The following TSHR variants were observed in gnomAD, a reference collection of about 807,000 sequenced individuals.
TSHR encodes thyrotropin receptor.
In TSHR, 51 loss-of-function variants were observed where a neutral mutation model predicts 64.1. That is an observed-to-expected ratio of 0.80 (90% CI 0.64 to 1.01). TSHR has a LOEUF of 1.01. Among genes scored for constraint, TSHR ranks in the 50% least tolerant of loss-of-function variants. TSHR has a pLI of 0.00. For synonymous variants in TSHR, 361 were observed against 361.9 expected, an observed-to-expected ratio of 1.00 and a Z score of 0.03; for missense variants, 877 against 942.8, an observed-to-expected ratio of 0.93 and a Z score of 0.91.
chr14:81,060,001 C>A (rs530649047), intron 1 of TSHR, among the ~76,000 whole-genome samples: 1 of 152,172 alleles, frequency 6.6e-6, no homozygotes, highest in African/African-American at 2.4e-5. Flanking sequence ...AAAGACTATC[C>A]AATTGCACTT....
rs539416780 is a variant in TSHR, at chr14:80,982,538, C to G, written c.170+26688C>G. Reference sequence around the variant, plus strand: ...AACTGGTTTTGGGAAGGAGATGATGCTAGTTTTGACCCTAATCCTCAATCT... The same window carrying G: ...AACTGGTTTTGGGAAGGAGATGATGGTAGTTTTGACCCTAATCCTCAATCT... On this transcript the variant is annotated intron_variant, in intron 1 of 9. Transcript: ENST00000298171. 8.4e-5 allele frequency: 84 copies of G among 1,005,198 alleles called. 1 individual carries two copies. In the African/African-American group the frequency reaches 1.4e-3, roughly 16 times the overall value. 62.3% of individuals were successfully genotyped at this position (1,005,198 alleles called of 1,614,324 possible). A position where few individuals can be genotyped will look rare whatever the true frequency, so the allele number is the denominator to read the frequency against.
intron 8 of TSHR, chr14:81,108,740 G>C: frequency 1.2e-6 from 2 of 1,611,336 alleles, no homozygotes; most frequent in Non-Finnish European, 1.7e-6. Flanking sequence ...TCATGGAGCA[G>C]CTGCTGTTTG....
intron 1 of TSHR, among the ~76,000 whole-genome samples, chr14:81,055,042 G>GA (rs1885683325): frequency 6.6e-6 from 1 of 152,022 alleles, no homozygotes; most frequent in Non-Finnish European, 1.5e-5. Flanking sequence ...GGCCTAGGAG[G>GA]AAAAAATGGC....
At chr14:80,989,086 A>G (rs1566751241) in intron 1 of TSHR, among the ~76,000 whole-genome samples, 1 of 152,156 alleles carries the variant, frequency 6.6e-6, no homozygotes, top group Admixed American at 6.5e-5. Context: ...TAACAAAACT[A>G]CTTATGCTTC....
chr14:81,090,480 A>T (rs907064014), intron 4 of TSHR, among the ~76,000 whole-genome samples: 3 of 152,140 alleles, frequency 2.0e-5, no homozygotes, highest in Admixed American at 6.6e-5. Context: ...GACTCAAGTG[A>T]TCCACCTGCC....
chr14:81,135,667 C>T (rs1418805055), intron 8 of TSHR, among the ~76,000 whole-genome samples: 1 of 152,136 alleles, frequency 6.6e-6, no homozygotes, highest in Non-Finnish European at 1.5e-5. Context: ...ACAAGGACAT[C>T]GAAGCTTCAA....
At chr14:81,102,536 G>A (rs1460827335) in intron 7 of TSHR, among the ~76,000 whole-genome samples, 1 of 152,220 alleles carries the variant, frequency 6.6e-6, no homozygotes, top group Admixed American at 6.5e-5. Context: ...TAAAAGTCTA[G>A]ATCAGGGGTC....
rs574934810 is a variant in TSHR at position 80,965,253 on chromosome 14, G to A, written c.170+9403G>A. 1.8e-4 allele frequency among the ~76,000 whole-genome samples: 27 copies of A among 152,294 alleles called. No individual in the cohort carries two copies. In the East Asian group the frequency reaches 3.1e-3, roughly 17 times the overall value. ...TCAGCATTCCTTCTGGGTGGAGGAC[G>A]CACTTTTGTCAGTTTGCCAACATTC... On this transcript the variant is annotated intron_variant, in intron 1 of 9. Transcript: ENST00000298171.
intron 1 of TSHR, among the ~76,000 whole-genome samples, chr14:81,023,199 T>G (rs1380317080): frequency 6.6e-6 from 1 of 152,152 alleles, no homozygotes; most frequent in Non-Finnish European, 1.5e-5. Flanking sequence ...GGAAAACTCT[T>G]CCTGCCTGAC....
chr14:80,963,357 T>C (rs1474383885), intron 1 of TSHR, among the ~76,000 whole-genome samples: 1 of 152,236 alleles, frequency 6.6e-6, no homozygotes, highest in Non-Finnish European at 1.5e-5. Context: ...TCCATATAGT[T>C]AGGGTTGCCC....
intron 1 of TSHR, among the ~76,000 whole-genome samples, chr14:80,988,452 C>T (rs967649245): frequency 5.9e-5 from 9 of 151,864 alleles, no homozygotes; most frequent in African/African-American, 7.3e-5. Context: ...GAGAACAGCA[C>T]GGCAGGGGAG....
chr14:81,064,879 G>A (rs1250180283), intron 2 of TSHR, among the ~76,000 whole-genome samples: 1 of 151,956 alleles, frequency 6.6e-6, no homozygotes, highest in African/African-American at 2.4e-5. Flanking sequence ...TGAAGAGGCA[G>A]GAGGGGATGA....
chr14:81,087,966 T>C lies in TSHR; in HGVS notation c.330T>C (p.Asn110=). ...LSKVTHIEIR[N]TRNLTYIDPD... The stretch of plus-strand genomic sequence containing the variant: ...GTAACTTATACAGAGAAATTCGGAA[T>C]ACCAGGAACTTAACTTACATAGACC... The change falls in exon 4 of 10, where the codon AAT becomes AAC. Residue 110 remains asparagine (N), a synonymous_variant. Transcript: ENST00000298171. The C allele has an allele frequency of 6.2e-7, 1 of 1,613,526 alleles. No individual in the cohort carries two copies. Among genetic ancestry groups the C allele is most frequent in the Non-Finnish European group, 8.5e-7 (1 of 1,179,420 alleles).
intron 1 of TSHR, among the ~76,000 whole-genome samples, chr14:81,021,543 G>A (rs1365903006): frequency 6.6e-6 from 1 of 152,174 alleles, no homozygotes; most frequent in Non-Finnish European, 1.5e-5. Flanking sequence ...AGGAGAGCAA[G>A]GTGAAGTAAA....
At chr14:81,011,453 A>G (rs1402077497) in intron 1 of TSHR, among the ~76,000 whole-genome samples, 1 of 152,072 alleles carries the variant, frequency 6.6e-6, no homozygotes, top group Non-Finnish European at 1.5e-5. Context: ...TTGAAGATAA[A>G]GCTATTCACA....
At chr14:81,114,578 T>A (rs539890413) in intron 8 of TSHR, among the ~76,000 whole-genome samples, 2 of 152,060 alleles carry the variant, frequency 1.3e-5, no homozygotes, top group Non-Finnish European at 2.9e-5. Context: ...GAGATCAAAC[T>A]GCAAGGCGGC....
At chr14:80,996,551 T>C (rs2268458) in intron 1 of TSHR, among the ~76,000 whole-genome samples, 29,958 of 151,956 alleles carry the variant, frequency 0.2, 3,496 homozygotes, top group Admixed American at 0.28. Context: ...GGGAGTCTAG[T>C]TACTAAGTGG....
rs193239116 is a variant in TSHR, at chr14:80,989,921, T to C, written c.170+34071T>C. Among the ~76,000 whole-genome samples the C allele has an allele frequency of 2.0e-5, 3 of 152,312 alleles. No individual in the cohort carries two copies. In the South Asian group the frequency reaches 6.2e-4, roughly 32 times the overall value. ...AGCCAGACCTAGAACCCAACTCTCCTGAATTGTTTTCCAGAGCTATGCTGC... is the reference window on the plus strand; with the variant it reads ...AGCCAGACCTAGAACCCAACTCTCCCGAATTGTTTTCCAGAGCTATGCTGC... On this transcript the variant is annotated intron_variant, in intron 1 of 9. Transcript: ENST00000298171.
At chr14:81,028,954 G>A (rs902613120) in intron 1 of TSHR, among the ~76,000 whole-genome samples, 1 of 150,072 alleles carries the variant, frequency 6.7e-6, no homozygotes, top group African/African-American at 2.5e-5. Flanking sequence ...AAATAAAAAA[G>A]GAGTCTATTA....
Sources: allele counts gnomAD v4.1 joint callset (sites outside exome capture counted in the v4.1 genomes callset), GRCh38; gene constraint gnomAD v4.1.1; transcripts MANE v1.5; gene names NCBI Gene and HGNC (gene_info 2026-07-23, HGNC 2026-07-21).